The following PHLPP1 variants were observed in gnomAD, a reference collection of about 807,000 sequenced individuals.
PHLPP1 encodes PH domain and leucine rich repeat protein phosphatase 1.
PHLPP1 carries 42 observed loss-of-function variants against 117.2 expected under a neutral mutation model. That is an observed-to-expected ratio of 0.36 (90% CI 0.28 to 0.46). The LOEUF is 0.46. Among genes scored for constraint, PHLPP1 ranks in the 20% least tolerant of loss-of-function variants. The probability of loss-of-function intolerance (pLI) is 1.00; values close to 1 mark genes in which losing one functional copy is unlikely to be tolerated. For missense variants in PHLPP1, 2,084 were observed against 2,241.9 expected (o/e 0.93, Z 1.42); for synonymous variants, 1,042 against 970.7 (o/e 1.07, Z -1.37).
At chr18:62,848,765 G>A (rs1395286959) in intron 3 of PHLPP1, among the ~76,000 whole-genome samples, 1 of 152,130 alleles carries the variant, frequency 6.6e-6, no homozygotes, top group African/African-American at 2.4e-5. Context: ...CGCCCAGCCT[G>A]TGGTTGGTTT....
At chr18:62,943,522 A>G (rs1910190476) in intron 11 of PHLPP1, among the ~76,000 whole-genome samples, 2 of 152,166 alleles carry the variant, frequency 1.3e-5, no homozygotes, top group Admixed American at 1.3e-4. Flanking sequence ...AAGGCACACA[A>G]GGGCTGGCAT....
intron 10 of PHLPP1, among the ~76,000 whole-genome samples, chr18:62,940,098 T>G (rs957253338): frequency 2.0e-5 from 3 of 152,098 alleles, no homozygotes; most frequent in African/African-American, 7.2e-5. Context: ...TCCCACCTGC[T>G]GCAGCTGCAC....
intron 10 of PHLPP1, among the ~76,000 whole-genome samples, chr18:62,921,255 G>T (rs1032808286): frequency 6.6e-6 from 1 of 152,192 alleles, no homozygotes; most frequent in Non-Finnish European, 1.5e-5. Context: ...CTAACTTTTA[G>T]TGTATCTCAT....
chr18:62,915,932 C>T (rs547947166), intron 9 of PHLPP1, among the ~76,000 whole-genome samples: 1 of 152,328 alleles, frequency 6.6e-6, no homozygotes, highest in East Asian at 1.9e-4. Flanking sequence ...CTCAGCCAGT[C>T]ACTGAACAGA....
chr18:62,949,185 T>C (rs1910381575), intron 12 of PHLPP1, among the ~76,000 whole-genome samples: 1 of 152,190 alleles, frequency 6.6e-6, no homozygotes, highest in South Asian at 2.1e-4. Context: ...GCAGATAACA[T>C]TTCAGAAAAG....
intron 1 of PHLPP1, among the ~76,000 whole-genome samples, chr18:62,781,953 G>A (rs1913131916): frequency 2.0e-5 from 3 of 152,186 alleles, no homozygotes; most frequent in Admixed American, 6.5e-5. Context: ...GAAAGTGCCA[G>A]TTGCCTCCAT....
chr18:62,827,506 A>G (rs1352338271), intron 1 of PHLPP1, among the ~76,000 whole-genome samples: 1 of 152,188 alleles, frequency 6.6e-6, no homozygotes, highest in Non-Finnish European at 1.5e-5. Context: ...GGTATATATT[A>G]CCTCATTCAT....
intron 6 of PHLPP1, among the ~76,000 whole-genome samples, chr18:62,901,232 G>A (rs1916716879): frequency 6.6e-6 from 1 of 151,684 alleles, no homozygotes; most frequent in Admixed American, 6.6e-5. Context: ...AAGAAGATGG[G>A]ACATTTGTTC....
chr18:62,755,093 A>G (rs1053450213), intron 1 of PHLPP1, among the ~76,000 whole-genome samples: 4 of 152,238 alleles, frequency 2.6e-5, no homozygotes, highest in African/African-American at 9.7e-5. Context: ...AGTAACTGAC[A>G]TAGTGAAATT....
At chr18:62,853,880 A>G (rs615308) in intron 3 of PHLPP1, among the ~76,000 whole-genome samples, 86,613 of 151,972 alleles carry the variant, frequency 0.57, 25,060 homozygotes, top group Non-Finnish European at 0.62. Flanking sequence ...ATTGCTGTGG[A>G]GATACTTGGT....
At chr18:62,849,253 A>G (rs1484793555) in intron 3 of PHLPP1, among the ~76,000 whole-genome samples, 2 of 152,232 alleles carry the variant, frequency 1.3e-5, no homozygotes, top group Non-Finnish European at 2.9e-5. Context: ...AACTGGTCAA[A>G]TATTGATATA....
intron 13 of PHLPP1, among the ~76,000 whole-genome samples, chr18:62,958,984 G>A (rs763569773): frequency 2.6e-5 from 4 of 152,196 alleles, no homozygotes; most frequent in Non-Finnish European, 5.9e-5. Flanking sequence ...CAAATATTAA[G>A]GAAGGATTTT....
At position 62,979,223 on chromosome 18, in the gene PHLPP1, G is replaced by C. The variant is rs541785196; in HGVS notation, c.4946G>C (p.Gly1649Ala). 3.7e-6 allele frequency: 6 copies of C among 1,608,510 alleles called. No individual in the cohort carries two copies. The African/African-American group carries it at 8.0e-5, about 21-fold the overall frequency. The change falls in exon 17 of 17, where the codon GGA (glycine) becomes GCA (alanine). Residue 1649 changes from glycine to alanine, a missense_variant. Gly to Ala is a moderately conservative substitution (Grantham distance 60). Around this residue, in one of 2 missense-constraint regions of PHLPP1, gnomAD observed 1,365 missense variants for 1,605.9 expected, o/e 0.85. Coordinates refer to ENST00000262719, the MANE Select transcript of PHLPP1 (RefSeq NM_194449.4). ...ACAGACGCACCTCTTCGAAAGCCTG[G>C]AGGCTATTTTGCTGCCCCGGCTCAG... ...VATDAPLRKPGGYFAAPAQPD... is the reference protein window; with the variant it reads ...VATDAPLRKPAGYFAAPAQPD...
At chr18:62,833,696 T>C (rs922920040) in intron 2 of PHLPP1, among the ~76,000 whole-genome samples, 21 of 152,254 alleles carry the variant, frequency 1.4e-4, no homozygotes, top group African/African-American at 5.1e-4. Flanking sequence ...TGTTTCATAA[T>C]AAGATTACAT....
chr18:62,756,140 A>G (rs1034154475), intron 1 of PHLPP1, among the ~76,000 whole-genome samples: 16 of 151,712 alleles, frequency 1.1e-4, no homozygotes, highest in African/African-American at 3.1e-4. Context: ...ATAAAGGTTT[A>G]TTTTCTGCTC....
chr18:62,811,498 A>C (rs544647296), intron 1 of PHLPP1, among the ~76,000 whole-genome samples: 2 of 151,838 alleles, frequency 1.3e-5, no homozygotes, highest in African/African-American at 4.8e-5. Context: ...AAATTCACCA[A>C]TCCGTTTACT....
Position 62,830,084 on chromosome 18 carries a change from G to A in PHLPP1, c.1626G>A (p.Met542Ile), listed in dbSNP as rs1218795414. 2.5e-6 allele frequency: 4 copies of A among 1,613,714 alleles called. No individual in the cohort carries two copies. The highest frequency in any genetic ancestry group is 2.2e-5 in the East Asian group (1 of 44,890). Reference sequence around the variant, plus strand: ...CTGAACGGATTCAGCTCTCAGGAATGTATAATGTCCGTAAAGGCAAGATGC... The same window carrying A: ...CTGAACGGATTCAGCTCTCAGGAATATATAATGTCCGTAAAGGCAAGATGC... ...GSSERIQLSG[M>I]YNVRKGKMQL... Residue 542 changes from methionine to isoleucine, a missense_variant, in exon 2 of 17, where the codon ATG becomes ATA. Coordinates refer to ENST00000262719, the MANE Select transcript of PHLPP1 (RefSeq NM_194449.4).
intron 1 of PHLPP1, among the ~76,000 whole-genome samples, chr18:62,720,802 T>C (rs1910891653): frequency 6.6e-6 from 1 of 152,144 alleles, no homozygotes. Context: ...TATGGCGTGA[T>C]AACATCTACA....
intron 1 of PHLPP1, among the ~76,000 whole-genome samples, chr18:62,811,681 A>C (rs775995755): frequency 6.6e-6 from 1 of 152,166 alleles, no homozygotes; most frequent in Non-Finnish European, 1.5e-5. Context: ...AAGCTTCTAA[A>C]ATTTCCAAAA....
Sources: allele counts gnomAD v4.1 joint callset (sites outside exome capture counted in the v4.1 genomes callset), GRCh38; gene constraint gnomAD v4.1.1; regional missense constraint gnomAD v4.1.1; transcripts MANE v1.5; gene names NCBI Gene and HGNC (gene_info 2026-07-23, HGNC 2026-07-21).